The following IL1RAPL1 variants were observed in gnomAD, a reference collection of about 807,000 sequenced individuals.
IL1RAPL1 encodes interleukin-1 receptor accessory protein-like 1.
Under a neutral mutation model 48.4 loss-of-function variants are expected in IL1RAPL1, and 3 were observed. The ratio of observed to expected loss-of-function variants is 0.06; its 90% CI spans 0.03 to 0.16. IL1RAPL1 has a LOEUF of 0.16. Among genes scored for constraint, IL1RAPL1 ranks in the 10% least tolerant of loss-of-function variants. The pLI, the probability that IL1RAPL1 is intolerant of heterozygous loss-of-function variation, is 1.00. For synonymous variants in IL1RAPL1, 185 were observed against 187.7 expected (o/e 0.99, Z 0.12); for missense variants, 349 against 530.6 (o/e 0.66, Z 3.36).
At chrX:29,286,454 G>A (rs1460598186) in intron 3 of IL1RAPL1, among the ~76,000 whole-genome samples, 1 of 111,570 alleles carries the variant, frequency 9.0e-6, no homozygotes, top group African/African-American at 3.3e-5. Flanking sequence ...GGCAGAGGCA[G>A]GTGGATTGCT....
chrX:28,898,623 C>T (rs1334821609), intron 2 of IL1RAPL1, among the ~76,000 whole-genome samples: 1 of 110,942 alleles, frequency 9.0e-6, no homozygotes. Context: ...TTCAGTTTTT[C>T]TAGCTTGATA....
At chrX:29,713,125 AC>A (rs113674088) in intron 6 of IL1RAPL1, among the ~76,000 whole-genome samples, 10 of 112,036 alleles carry the variant, frequency 8.9e-5, no homozygotes, top group South Asian at 3.7e-4. Flanking sequence ...TGAAGTACAT[AC>A]AATATACAAG....
At chrX:29,182,706 G>T (rs2147521665) in intron 2 of IL1RAPL1, among the ~76,000 whole-genome samples, 1 of 110,933 alleles carries the variant, frequency 9.0e-6, no homozygotes, top group Non-Finnish European at 1.9e-5. Flanking sequence ...CCCTGTGGTA[G>T]GCACAATAAT....
At chrX:28,904,607 T>A (rs753502590) in intron 2 of IL1RAPL1, among the ~76,000 whole-genome samples, 1 of 112,372 alleles carries the variant, frequency 8.9e-6, no homozygotes, top group East Asian at 2.8e-4. Context: ...AGCCACAGTT[T>A]CCTTGTTCAT....
chrX:29,076,734 C>G (rs928634245), intron 2 of IL1RAPL1, among the ~76,000 whole-genome samples: 1 of 111,024 alleles, frequency 9.0e-6, no homozygotes, highest in Non-Finnish European at 1.9e-5. Context: ...TCTGTCTTCT[C>G]TCTTCTTTGA....
intron 6 of IL1RAPL1, among the ~76,000 whole-genome samples, chrX:29,744,843 T>C (rs1344910988): frequency 8.9e-6 from 1 of 112,469 alleles, no homozygotes; most frequent in Admixed American, 9.5e-5. Flanking sequence ...AATACAATGG[T>C]CATTGAGGTG....
intron 3 of IL1RAPL1, among the ~76,000 whole-genome samples, chrX:29,366,132 T>C (rs1247667323): frequency 9.1e-6 from 1 of 109,964 alleles, no homozygotes; most frequent in African/African-American, 3.3e-5. Flanking sequence ...CAGATAAAAA[T>C]ATTTTATCAT....
chrX:28,921,222 A>G (rs1923609310), intron 2 of IL1RAPL1, among the ~76,000 whole-genome samples: 1 of 111,776 alleles, frequency 8.9e-6, no homozygotes, highest in Non-Finnish European at 1.9e-5. Flanking sequence ...GTGAATACTC[A>G]TAGTTCTTTA....
At chrX:29,566,246 G>C (rs1922403603) in intron 5 of IL1RAPL1, among the ~76,000 whole-genome samples, 1 of 111,520 alleles carries the variant, frequency 9.0e-6, no homozygotes, top group Non-Finnish European at 1.9e-5. Context: ...GCCCATGTGG[G>C]GAAATTTAAA....
intron 1 of IL1RAPL1, among the ~76,000 whole-genome samples, chrX:28,706,539 A>G (rs372286448): frequency 6.3e-5 from 7 of 110,374 alleles, no homozygotes; most frequent in Non-Finnish European, 1.3e-4. Context: ...CAGCCTCCCA[A>G]GTAACTGGGA....
intron 5 of IL1RAPL1, among the ~76,000 whole-genome samples, chrX:29,416,048 A>G: frequency 9.0e-6 from 1 of 111,475 alleles, no homozygotes; most frequent in Non-Finnish European, 1.9e-5. Context: ...AAAAAATAAA[A>G]CCACAAGCTA....
intron 1 of IL1RAPL1, among the ~76,000 whole-genome samples, chrX:28,766,790 A>G (rs1373696864): frequency 2.7e-5 from 3 of 111,555 alleles, no homozygotes; most frequent in Non-Finnish European, 5.7e-5. Flanking sequence ...AGAACATTCA[A>G]TGTTTGTCTT....
At chrX:28,975,306 C>A (rs1329254939) in intron 2 of IL1RAPL1, among the ~76,000 whole-genome samples, 1 of 111,865 alleles carries the variant, frequency 8.9e-6, no homozygotes, top group African/African-American at 3.2e-5. Flanking sequence ...TTGAAGATAG[C>A]AAATGCTTGC....
In IL1RAPL1 at chrX:29,270,756, A is replaced by G. The variant is rs187534329; in HGVS notation, c.83-12182A>G. 3.6e-5 allele frequency among the ~76,000 whole-genome samples: 4 copies of G among 112,365 alleles called. No homozygotes were observed. In the Admixed American group the frequency reaches 3.8e-4, roughly 11 times the overall value. On this transcript the variant is annotated intron_variant, in intron 2 of 10. Transcript: ENST00000378993. ...GTTCTTTGAAAAAGTTATTTTGAAT[A>G]TAGCAGGTACTTAACATTTTCATGT...
chrX:29,732,567 G>T (rs750785689), intron 6 of IL1RAPL1, among the ~76,000 whole-genome samples: 6 of 112,003 alleles, frequency 5.4e-5, no homozygotes, highest in African/African-American at 1.9e-4. Flanking sequence ...CACACAGCAT[G>T]TGCTCTTTCC....
intron 4 of IL1RAPL1, among the ~76,000 whole-genome samples, chrX:29,396,706 T>C (rs778076229): frequency 8.9e-6 from 1 of 111,930 alleles, no homozygotes; most frequent in Non-Finnish European, 1.9e-5. Context: ...TTCTTTCAAG[T>C]CTACTATGGT....
intron 2 of IL1RAPL1, among the ~76,000 whole-genome samples, chrX:28,864,991 C>T (rs182350069): frequency 2.7e-5 from 3 of 111,833 alleles, no homozygotes; most frequent in Non-Finnish European, 3.8e-5. Context: ...ATTCAGGATA[C>T]ATGCCAAGGT....
At chrX:29,802,986 T>TAC (rs1930027509) in intron 6 of IL1RAPL1, among the ~76,000 whole-genome samples, 1 of 63,129 alleles carries the variant, frequency 1.6e-5, no homozygotes, top group South Asian at 7.0e-4. Flanking sequence ...CATACATGTG[T>TAC]ACATATATAT....
intron 5 of IL1RAPL1, among the ~76,000 whole-genome samples, chrX:29,437,755 C>T (rs923075351): frequency 1.8e-4 from 20 of 110,452 alleles, no homozygotes; most frequent in African/African-American, 6.5e-4. Context: ...AGCCTTCCAT[C>T]CTAAGAATAA....
Sources: allele counts gnomAD v4.1 joint callset (sites outside exome capture counted in the v4.1 genomes callset), GRCh38; gene constraint gnomAD v4.1.1; transcripts MANE v1.5; gene names NCBI Gene and HGNC (gene_info 2026-07-23, HGNC 2026-07-21).